NT5DC3: variants seen among roughly 807,000 people sequenced by gnomAD.
NT5DC3 encodes the protein 5'-nucleotidase domain containing 3.
Under a neutral mutation model 67.8 loss-of-function variants are expected in NT5DC3, and 42 were observed. That is an observed-to-expected ratio of 0.62 (90% confidence interval 0.48 to 0.80). The LOEUF (loss-of-function observed/expected upper bound fraction) is 0.80. Ranked by LOEUF, NT5DC3 falls within the 30% of genes least tolerant of loss-of-function variation. The probability of loss-of-function intolerance (pLI) is 0.00; values close to 1 mark genes in which losing one functional copy is unlikely to be tolerated. For missense variants in NT5DC3, 570 were observed against 696.4 expected, an observed-to-expected ratio of 0.82 and a Z score of 2.04; for synonymous variants, 237 against 255.6, an observed-to-expected ratio of 0.93 and a Z score of 0.69.
the NT5DC3 span, chr12:103,750,669 G>A: frequency 6.2e-7 from 1 of 1,614,246 alleles, no homozygotes; most frequent in South Asian, 1.1e-5. Context: ...CTGCTTACAG[G>A]ACAATGGGCA....
chr12:103,762,603 T>C, the NT5DC3 span, among the ~76,000 whole-genome samples: 1 of 152,184 alleles, frequency 6.6e-6, no homozygotes, highest in Non-Finnish European at 1.5e-5. Flanking sequence ...CAGTGGTGGT[T>C]CCAAGCCCCT....
intron 5 of NT5DC3, among the ~76,000 whole-genome samples, chr12:103,798,292 C>T (rs1886410263): frequency 6.6e-6 from 1 of 152,186 alleles, no homozygotes; most frequent in African/African-American, 2.4e-5. Context: ...GTCACACCGA[C>T]AGCCCCAATC....
At chr12:103,757,821 T>A in the NT5DC3 span, 1 of 261,316 alleles carries the variant, frequency 3.8e-6, no homozygotes, top group Non-Finnish European at 7.6e-6. Context: ...GCTTTGGGCC[T>A]CGTGAGCTGT....
chr12:103,772,350 A>G lies in NT5DC3; in HGVS notation c.*5479T>C, dbSNP rs1054536338. The G allele has an allele frequency of 2.0e-5, 3 of 152,700 alleles. No individual in the cohort carries two copies. The East Asian group carries it at 5.8e-4, about 29-fold the overall frequency. The allele number at this position is 152,700 out of a possible 1,614,324, so 9.5% of individuals were successfully genotyped here. ...TATTTGGCAATAAGTTCAGAGTCAC[A>G]TAACACATAAAATCAACATTTAAAA... On this transcript the variant is annotated 3_prime_UTR_variant, in exon 14 of 14. Transcript: ENST00000392876.
the NT5DC3 span, among the ~76,000 whole-genome samples, chr12:103,762,094 A>G: frequency 1.3e-5 from 2 of 152,088 alleles, no homozygotes; most frequent in Non-Finnish European, 1.5e-5. Context: ...TTATTATCAC[A>G]CTTCAATGGG....
rs1457628972 is a variant in NT5DC3, at chr12:103,773,276, T to C, written c.*4553A>G. On this transcript the variant is annotated 3_prime_UTR_variant, in exon 14 of 14. Coordinates refer to ENST00000392876, the MANE Select transcript of NT5DC3 (RefSeq NM_001031701.3). ...TTGTGCTGGAACACAGCCATGACCATGGTCATTCCCACAGTAGTAGTAGCA... is the reference window on the plus strand; with the variant it reads ...TTGTGCTGGAACACAGCCATGACCACGGTCATTCCCACAGTAGTAGTAGCA... 1 of 152,192 alleles carries C rather than the reference T, an allele frequency of 6.6e-6. No homozygotes were observed. The highest frequency in any genetic ancestry group is 1.5e-5 in the Non-Finnish European group (1 of 68,036). The allele number at this position is 152,192 out of a possible 1,614,324, so 9.4% of individuals were successfully genotyped here.
chr12:103,833,007 C>A (rs1219726338), intron 1 of NT5DC3, among the ~76,000 whole-genome samples: 1 of 152,196 alleles, frequency 6.6e-6, no homozygotes, highest in Non-Finnish European at 1.5e-5. Flanking sequence ...CTCTATATCC[C>A]TGCTGCGTAG....
chr12:103,746,993 G>A, the NT5DC3 span, among the ~76,000 whole-genome samples: 1 of 105,776 alleles, frequency 9.5e-6, no homozygotes, highest in Admixed American at 1.3e-4. Context: ...TTTCACGCTT[G>A]TTGCCCAGGC....
the NT5DC3 span, chr12:103,753,201 C>T: frequency 6.6e-5 from 107 of 1,613,204 alleles, no homozygotes; most frequent in Non-Finnish European, 8.9e-5. Flanking sequence ...CTGGGCGATT[C>T]CTCCTCTTCC....
At chr12:103,763,376 T>C in the NT5DC3 span, 1 of 752,162 alleles carries the variant, frequency 1.3e-6, no homozygotes, top group Admixed American at 2.2e-5. Flanking sequence ...AACAAAGTAC[T>C]GTTAAAAAAG....
At chr12:103,759,420 A>G in the NT5DC3 span, 1 of 1,216,108 alleles carries the variant, frequency 8.2e-7, no homozygotes, top group Non-Finnish European at 1.1e-6. Flanking sequence ...TGCCCACTAC[A>G]GCATACCACA....
chr12:103,805,845 CAAAAAAAAAAAAAA>C (rs34163004), intron 4 of NT5DC3, among the ~76,000 whole-genome samples: 4 of 48,768 alleles, frequency 8.2e-5, no homozygotes, highest in East Asian at 7.8e-4. Flanking sequence ...GACTCCACCT[CAAAAAAAAAAAAAA>C]AAAAAAAAAA....
rs981246092 is a variant in NT5DC3 at position 103,840,730 on chromosome 12, G to T, written c.208+219C>A. On this transcript the variant is annotated intron_variant, in intron 1 of 13. Coordinates refer to ENST00000392876, the MANE Select transcript of NT5DC3 (RefSeq NM_001031701.3). The stretch of plus-strand genomic sequence containing the variant: ...CAACAGCTTTCCCGACCGGGGAAAG[G>T]CGCGAGTTGTGAAGTTTCTAGAGCG... 3.6e-4 allele frequency among the ~76,000 whole-genome samples: 54 copies of T among 152,072 alleles called. 1 individual carries two copies. Among genetic ancestry groups the T allele is most frequent in the Admixed American group, 1.3e-4 (2 of 15,274 alleles).
chr12:103,816,105 T>C (rs1887239515), intron 1 of NT5DC3, among the ~76,000 whole-genome samples: 1 of 152,214 alleles, frequency 6.6e-6, no homozygotes. Flanking sequence ...GAACAAACTA[T>C]TACATGAGAC....
chr12:103,825,643 A>T (rs1212699737), intron 1 of NT5DC3, among the ~76,000 whole-genome samples: 2 of 152,166 alleles, frequency 1.3e-5, no homozygotes, highest in African/African-American at 4.8e-5. Flanking sequence ...AAATTTTAAA[A>T]GTAGCCAGGC....
At chr12:103,756,850 C>A in the NT5DC3 span, among the ~76,000 whole-genome samples, 1 of 151,958 alleles carries the variant, frequency 6.6e-6, no homozygotes, top group Non-Finnish European at 1.5e-5. Context: ...CCATTAAATA[C>A]ACTAGAGATG....
At chr12:103,821,812 A>G (rs1887502378) in intron 1 of NT5DC3, 1 of 152,230 alleles carries the variant, frequency 6.6e-6, no homozygotes, top group Non-Finnish European at 1.5e-5. Flanking sequence ...TGTATACTTT[A>G]ATCCATTTCT....
At chr12:103,779,819 G>A (rs2139301143) in intron 13 of NT5DC3, among the ~76,000 whole-genome samples, 1 of 152,310 alleles carries the variant, frequency 6.6e-6, no homozygotes, top group South Asian at 2.1e-4. Flanking sequence ...TGGCAGGCAG[G>A]CTTTCTTTAT....
At chr12:103,760,363 C>T in the NT5DC3 span, among the ~76,000 whole-genome samples, 918 of 152,244 alleles carry the variant, frequency 6.0e-3, 3 homozygotes, top group African/African-American at 0.021. Context: ...TGGATTCAAG[C>T]GATCCTCCTG....
Sources: allele counts gnomAD v4.1 joint callset (sites outside exome capture counted in the v4.1 genomes callset), GRCh38; gene constraint gnomAD v4.1.1; transcripts MANE v1.5; gene names NCBI Gene and HGNC (gene_info 2026-07-23, HGNC 2026-07-21).